ZSWIM6: variants seen among roughly 807,000 people sequenced by gnomAD.
The protein encoded by ZSWIM6 is zinc finger SWIM domain-containing protein 6.
In ZSWIM6, 9 loss-of-function variants were observed where a neutral mutation model predicts 113.2. The ratio of observed to expected loss-of-function variants is 0.08; its 90% confidence interval spans 0.05 to 0.14. The LOEUF (loss-of-function observed/expected upper bound fraction) is 0.14. Among genes scored for constraint, ZSWIM6 ranks in the 10% least tolerant of loss-of-function variants. ZSWIM6 has a pLI of 1.00. For missense variants in ZSWIM6, 1,162 were observed against 1,552.2 expected, an observed-to-expected ratio of 0.75 and a Z score of 4.22; for synonymous variants, 611 against 606.5, an observed-to-expected ratio of 1.01 and a Z score of -0.11.
At chr5:61,467,532 T>C (rs892043962) in intron 1 of ZSWIM6, among the ~76,000 whole-genome samples, 1 of 152,220 alleles carries the variant, frequency 6.6e-6, no homozygotes, top group African/African-American at 2.4e-5. Flanking sequence ...TGTCTAGATG[T>C]AAGTATTTTT....
At chr5:61,498,273 C>T (rs573461397) in intron 4 of ZSWIM6, among the ~76,000 whole-genome samples, 202 of 152,238 alleles carry the variant, frequency 1.3e-3, no homozygotes, top group African/African-American at 3.9e-3. Flanking sequence ...AACTTTCTCT[C>T]GGAGCTGAGT....
At chr5:61,432,641 G>C (rs1746611368) in intron 1 of ZSWIM6, among the ~76,000 whole-genome samples, 1 of 152,192 alleles carries the variant, frequency 6.6e-6, no homozygotes, top group Non-Finnish European at 1.5e-5. Context: ...AAGCCTGTTT[G>C]TTGTGAGGCA....
At chr5:61,542,347 C>T (rs577699430) in intron 13 of ZSWIM6, among the ~76,000 whole-genome samples, 5 of 152,260 alleles carry the variant, frequency 3.3e-5, no homozygotes, top group African/African-American at 1.2e-4. Context: ...TTTAGGTGAT[C>T]CTCCAGATGT....
intron 1 of ZSWIM6, among the ~76,000 whole-genome samples, chr5:61,368,315 T>C (rs1045979606): frequency 2.0e-5 from 3 of 152,232 alleles, no homozygotes; most frequent in African/African-American, 7.2e-5. Flanking sequence ...TTAAGATAGA[T>C]ATTTTAAAAT....
intron 1 of ZSWIM6, among the ~76,000 whole-genome samples, chr5:61,450,083 C>A (rs1747055822): frequency 6.6e-6 from 1 of 152,070 alleles, no homozygotes; most frequent in Admixed American, 6.6e-5. Flanking sequence ...TCCCTGTCAC[C>A]ACCTCTCAAC....
intron 1 of ZSWIM6, among the ~76,000 whole-genome samples, chr5:61,440,481 C>G (rs1746803341): frequency 6.6e-6 from 1 of 151,808 alleles, no homozygotes. Flanking sequence ...TGTCTCTTAC[C>G]TTCCCAGACA....
intron 1 of ZSWIM6, among the ~76,000 whole-genome samples, chr5:61,342,757 TG>T (rs1426911198): frequency 6.6e-6 from 1 of 152,220 alleles, no homozygotes; most frequent in Admixed American, 6.5e-5. Context: ...AAAAAAATTT[TG>T]GTTGTCTTAA....
intron 12 of ZSWIM6, among the ~76,000 whole-genome samples, chr5:61,540,365 T>C (rs918703766): frequency 6.6e-6 from 1 of 152,190 alleles, no homozygotes; most frequent in African/African-American, 2.4e-5. Context: ...AACTAAAAAG[T>C]TTGTTTCATT....
chr5:61,528,042 C>T (rs923539459), intron 7 of ZSWIM6, among the ~76,000 whole-genome samples: 1 of 151,964 alleles, frequency 6.6e-6, no homozygotes, highest in African/African-American at 2.4e-5. Flanking sequence ...ACTTTTATTT[C>T]CAACCATTCT....
chr5:61,537,370 T>C (rs1041999984), intron 10 of ZSWIM6, among the ~76,000 whole-genome samples: 1 of 152,184 alleles, frequency 6.6e-6, no homozygotes, highest in African/African-American at 2.4e-5. Flanking sequence ...CACCAGGTAT[T>C]GCAAGGCAGC....
chr5:61,508,786 C>T (rs964051713), intron 4 of ZSWIM6, among the ~76,000 whole-genome samples: 9 of 152,136 alleles, frequency 5.9e-5, no homozygotes, highest in African/African-American at 1.7e-4. Context: ...ATCTTGGAGC[C>T]CTGAGTTTCT....
chr5:61,374,986 A>G (rs1292846617), intron 1 of ZSWIM6: 1 of 944,092 alleles, frequency 1.1e-6, no homozygotes, highest in Non-Finnish European at 1.6e-6. Flanking sequence ...AAATGAGCAT[A>G]CAATAATAGG....
intron 1 of ZSWIM6, among the ~76,000 whole-genome samples, chr5:61,428,069 C>G (rs560917094): frequency 3.4e-4 from 51 of 152,132 alleles, no homozygotes; most frequent in Admixed American, 6.5e-4. Flanking sequence ...TAGGTATATG[C>G]CCATTAGATC....
chr5:61,377,639 C>T (rs1312506660), intron 1 of ZSWIM6, among the ~76,000 whole-genome samples: 2 of 151,778 alleles, frequency 1.3e-5, no homozygotes. Flanking sequence ...ATCTCTTGAA[C>T]CTGTGAAGCA....
intron 1 of ZSWIM6, among the ~76,000 whole-genome samples, chr5:61,358,156 G>A (rs1200003003): frequency 6.6e-6 from 1 of 151,450 alleles, no homozygotes; most frequent in Non-Finnish European, 1.5e-5. Context: ...TGTTCTTTTT[G>A]TTTCAATTGT....
Position 61,378,380 on chromosome 5 carries a change from G to C in ZSWIM6, c.676+45432G>C, listed in dbSNP as rs145372726. Among the ~76,000 whole-genome samples the C allele has an allele frequency of 3.8e-3, 582 of 152,318 alleles. 5 individuals are homozygous for C. The highest frequency in any genetic ancestry group is 5.3e-3 in the Non-Finnish European group (358 of 68,030). The stretch of plus-strand genomic sequence containing the variant: ...TGGGGAAAAAAGTAAAACTCCACAA[G>C]ATGTAGAACAGTATATGTGTTTTGC... On this transcript the variant is annotated intron_variant, in intron 1 of 13. Transcript: ENST00000252744.
intron 10 of ZSWIM6, among the ~76,000 whole-genome samples, chr5:61,537,591 A>G (rs1749613355): frequency 6.6e-6 from 1 of 151,748 alleles, no homozygotes; most frequent in Non-Finnish European, 1.5e-5. Context: ...CAACCCTGCC[A>G]TTATTCTTAC....
intron 10 of ZSWIM6, among the ~76,000 whole-genome samples, chr5:61,537,020 A>G (rs1183406313): frequency 1.3e-5 from 2 of 152,200 alleles, no homozygotes; most frequent in African/African-American, 2.4e-5. Flanking sequence ...GCTCAACTCT[A>G]TACTTACTCA....
intron 1 of ZSWIM6, among the ~76,000 whole-genome samples, chr5:61,425,393 C>T (rs1222871866): frequency 1.3e-5 from 2 of 152,132 alleles, no homozygotes; most frequent in African/African-American, 4.8e-5. Context: ...ATAAATGCTG[C>T]AGGGCTGGCT....
Sources: gnomAD v4.1 joint callset for allele counts (sites outside exome capture counted in the v4.1 genomes callset) on GRCh38, gnomAD v4.1.1 for gene constraint, MANE v1.5 for transcripts, NCBI Gene and HGNC (gene_info 2026-07-23, HGNC 2026-07-21) for gene names.